The following WDR72 variants were observed in gnomAD, a reference collection of about 807,000 sequenced individuals.
The protein encoded by WDR72 is WD repeat-containing protein 72.
A neutral mutation model predicts 124.2 loss-of-function variants in WDR72; 120 were observed. The ratio of observed to expected loss-of-function variants is 0.97; its 90% CI spans 0.83 to 1.12. The LOEUF (loss-of-function observed/expected upper bound fraction) is 1.12. Ranked by LOEUF, WDR72 falls within the 50% of genes most tolerant of loss-of-function variation. The probability of loss-of-function intolerance (pLI) is 0.00; values close to 1 mark genes in which losing one functional copy is unlikely to be tolerated. For missense variants in WDR72, 1,387 were observed against 1,278.8 expected, an observed-to-expected ratio of 1.08 and a Z score of -1.29; for synonymous variants, 452 against 441.7, an observed-to-expected ratio of 1.02 and a Z score of -0.29.
chr15:53,709,720 C>A (rs2017480772), intron 9 of WDR72, among the ~76,000 whole-genome samples: 1 of 152,158 alleles, frequency 6.6e-6, no homozygotes, highest in African/African-American at 2.4e-5. Flanking sequence ...TTGATGCATG[C>A]CGTAATTATA....
At chr15:53,547,544 T>C (rs1893535609) in intron 18 of WDR72, among the ~76,000 whole-genome samples, 1 of 152,152 alleles carries the variant, frequency 6.6e-6, no homozygotes, top group African/African-American at 2.4e-5. Context: ...ATTCATCAGG[T>C]CTCAGTGGTT....
intron 9 of WDR72, among the ~76,000 whole-genome samples, chr15:53,707,002 C>T (rs2017399080): frequency 1.3e-5 from 2 of 152,080 alleles, no homozygotes; most frequent in South Asian, 4.1e-4. Context: ...TATAGCTGTT[C>T]TTCGGGCAGG....
At chr15:53,632,452 A>C (rs1449766647) in intron 14 of WDR72, among the ~76,000 whole-genome samples, 2 of 152,232 alleles carry the variant, frequency 1.3e-5, no homozygotes, top group East Asian at 3.9e-4. Flanking sequence ...CCTCATGAAG[A>C]ACCTCTACTA....
chr15:53,728,145 G>T (rs1332143662), intron 2 of WDR72, among the ~76,000 whole-genome samples: 2 of 152,168 alleles, frequency 1.3e-5, no homozygotes, highest in African/African-American at 4.8e-5. Flanking sequence ...CACATGGCTG[G>T]GGAGGCCTCC....
At chr15:53,572,311 C>T (rs1471040898) in intron 18 of WDR72, among the ~76,000 whole-genome samples, 1 of 151,926 alleles carries the variant, frequency 6.6e-6, no homozygotes, top group African/African-American at 2.4e-5. Flanking sequence ...CAGTAACATG[C>T]AGCTTTCCCC....
At chr15:53,724,663 G>A (rs1251690826) in intron 2 of WDR72, among the ~76,000 whole-genome samples, 7 of 152,098 alleles carry the variant, frequency 4.6e-5, no homozygotes, top group Non-Finnish European at 8.8e-5. Flanking sequence ...CACCTCCCAC[G>A]GGGTCCCTCC....
intron 18 of WDR72, among the ~76,000 whole-genome samples, chr15:53,596,563 C>T (rs1207704188): frequency 6.6e-6 from 1 of 152,006 alleles, no homozygotes; most frequent in Non-Finnish European, 1.5e-5. Context: ...GCAAATTTAC[C>T]CATTATGATT....
At chr15:53,709,015 AC>A (rs1169923619) in intron 9 of WDR72, among the ~76,000 whole-genome samples, 6 of 152,320 alleles carry the variant, frequency 3.9e-5, no homozygotes, top group Admixed American at 3.3e-4. Flanking sequence ...TTACTGTCAA[AC>A]CTGGAGATTT....
At chr15:53,724,361 T>C (rs188174516) in intron 2 of WDR72, among the ~76,000 whole-genome samples, 67 of 152,340 alleles carry the variant, frequency 4.4e-4, no homozygotes, top group Non-Finnish European at 7.9e-4. Flanking sequence ...GATTGTTGTA[T>C]TAGTCCATTC....
intron 13 of WDR72, among the ~76,000 whole-genome samples, chr15:53,695,867 A>G (rs1468464499): frequency 1.3e-5 from 2 of 152,216 alleles, no homozygotes; most frequent in African/African-American, 4.8e-5. Context: ...AGGCTCTTAT[A>G]AAGTATTCGT....
At chr15:53,747,533 C>T (rs1054592362) in intron 1 of WDR72, among the ~76,000 whole-genome samples, 1 of 152,206 alleles carries the variant, frequency 6.6e-6, no homozygotes, top group Non-Finnish European at 1.5e-5. Flanking sequence ...GCAAATTAAT[C>T]TTTGAATTCC....
At chr15:53,671,455 T>C (rs920503928) in intron 13 of WDR72, among the ~76,000 whole-genome samples, 2 of 152,170 alleles carry the variant, frequency 1.3e-5, no homozygotes, top group Non-Finnish European at 1.5e-5. Context: ...CCCCAACAGA[T>C]ACTAAACTCT....
At chr15:53,610,611 A>C (rs2013497873) in intron 16 of WDR72, among the ~76,000 whole-genome samples, 1 of 151,912 alleles carries the variant, frequency 6.6e-6, no homozygotes, top group African/African-American at 2.4e-5. Flanking sequence ...CCACATTAGC[A>C]GTCAAGGAAA....
chr15:53,728,760 C>T (rs28594903), intron 2 of WDR72, among the ~76,000 whole-genome samples: 4,314 of 152,230 alleles, frequency 0.028, 207 homozygotes, highest in African/African-American at 0.1. Flanking sequence ...TTTGCTGCCA[C>T]GGGATTTGGA....
chr15:53,701,559 T>TCTCTCTCTCTCACACA lies in WDR72; in HGVS notation c.1569+574_1569+575insTGTGTGAGAGAGAGAG, dbSNP rs369568228. 1.0e-3 allele frequency among the ~76,000 whole-genome samples: 123 copies of TCTCTCTCTCTCACACA among 120,160 alleles called. 2 individuals are homozygous for TCTCTCTCTCTCACACA. The South Asian group carries it at 0.015, about 15-fold the overall frequency. The allele number at this position is 120,160 out of a possible 152,430, so 78.8% of individuals were successfully genotyped here. A position where few individuals can be genotyped will look rare whatever the true frequency, so the allele number is the denominator to read the frequency against. ...CTGTCTCTCTCTCTCTCTCTCTCTC[T>TCTCTCTCTCTCACACA]CACACACACACACACACACACACAC... On this transcript the variant is annotated intron_variant, in intron 12 of 19. Transcript: ENST00000360509.
Position 53,514,501 on chromosome 15 carries a change from G to T in WDR72, c.*3198C>A, listed in dbSNP as rs1891329598. ...AGTGTTCATTATAATAATTATGAAA[G>T]GATTTTAAAAATACAGAACACTGGA... On this transcript the variant is annotated 3_prime_UTR_variant, in exon 20 of 20. Coordinates refer to ENST00000360509, the MANE Select transcript of WDR72 (RefSeq NM_182758.4). 1 of 151,700 alleles carries T rather than the reference G, an allele frequency of 6.6e-6. No individual in the cohort carries two copies. Among genetic ancestry groups the T allele is most frequent in the East Asian group, 1.9e-4 (1 of 5,178 alleles). The allele number at this position is 151,700 out of a possible 1,614,324, so 9.4% of individuals were successfully genotyped here. A position where few individuals can be genotyped will look rare whatever the true frequency, so the allele number is the denominator to read the frequency against.
chr15:53,555,318 C>G (rs567364715), intron 18 of WDR72, among the ~76,000 whole-genome samples: 6 of 151,306 alleles, frequency 4.0e-5, no homozygotes, highest in Non-Finnish European at 7.4e-5. Flanking sequence ...GGCGGACCCA[C>G]GAAAGACTTC....
intron 13 of WDR72, among the ~76,000 whole-genome samples, chr15:53,682,204 T>A (rs2016413719): frequency 6.6e-6 from 1 of 152,214 alleles, no homozygotes; most frequent in Non-Finnish European, 1.5e-5. Context: ...GTCCTTACTT[T>A]GAAAAGTTTG....
chr15:53,744,846 C>T (rs539365475), intron 1 of WDR72, among the ~76,000 whole-genome samples: 4 of 152,246 alleles, frequency 2.6e-5, no homozygotes, highest in African/African-American at 9.6e-5. Context: ...GTGGTGTGAC[C>T]TTCCTAGGAC....
Sources: allele counts gnomAD v4.1 joint callset (sites outside exome capture counted in the v4.1 genomes callset), GRCh38; gene constraint gnomAD v4.1.1; transcripts MANE v1.5; gene names NCBI Gene and HGNC (gene_info 2026-07-23, HGNC 2026-07-21).